CAPSL: variants seen among roughly 807,000 people sequenced by gnomAD.
CAPSL encodes calcyphosine like.
A neutral mutation model predicts 21.3 loss-of-function variants in CAPSL; 17 were observed. That is an observed-to-expected ratio of 0.80 (90% CI 0.55 to 1.20). The LOEUF (loss-of-function observed/expected upper bound fraction) is 1.20. Ranked by LOEUF, CAPSL falls within the 50% of genes most tolerant of loss-of-function variation. The probability of loss-of-function intolerance (pLI) is 0.00; values close to 1 mark genes in which losing one functional copy is unlikely to be tolerated. For missense variants in CAPSL, 289 were observed against 259.3 expected (o/e 1.11, Z -0.79); for synonymous variants, 102 against 89.3 (o/e 1.14, Z -0.80).
chr5:35,929,437 C>T (rs1439182113), intron 1 of CAPSL, among the ~76,000 whole-genome samples: 1 of 152,064 alleles, frequency 6.6e-6, no homozygotes, highest in Non-Finnish European at 1.5e-5. Flanking sequence ...GGAATACAGG[C>T]ACCTGCCACC....
rs1462259785 is a variant in CAPSL at position 35,910,405 on chromosome 5, A to G, written c.276T>C (p.Asn92=). The part of the protein sequence containing the change: ...ELFRRFDKDG[N]GTIDFNEFLL... ...GAAATTCATTGAAGTCTATTGTTCC[A>G]TTTCCATCTTTATCAAACCTCCGGA... The change falls in exon 3 of 5, where the codon AAT becomes AAC. Residue 92 remains asparagine, a synonymous_variant. Transcript: ENST00000651391. 6.2e-7 allele frequency: 1 copy of G among 1,613,942 alleles called. No individual in the cohort carries two copies. Among genetic ancestry groups the G allele is most frequent in the East Asian group, 2.2e-5 (1 of 44,868 alleles).
intron 1 of CAPSL, among the ~76,000 whole-genome samples, chr5:35,923,578 C>T (rs1481493485): frequency 6.6e-6 from 1 of 152,194 alleles, no homozygotes; most frequent in East Asian, 1.9e-4. Context: ...TAAAAAGGAA[C>T]ACAGTACTGA....
At chr5:35,909,072 A>G (rs1350593114) in intron 4 of CAPSL, among the ~76,000 whole-genome samples, 1 of 140,480 alleles carries the variant, frequency 7.1e-6, no homozygotes, top group Admixed American at 7.6e-5. Flanking sequence ...ATCTAAGAAC[A>G]GAACTGGCTC....
intron 1 of CAPSL, among the ~76,000 whole-genome samples, chr5:35,937,764 C>T (rs1738989764): frequency 6.7e-6 from 1 of 149,256 alleles, no homozygotes; most frequent in South Asian, 2.1e-4. Flanking sequence ...GCCTGAAATT[C>T]AAATCTCAAT....
intron 4 of CAPSL, 106 bp from the exon 5 acceptor site, chr5:35,904,752 G>C: frequency 6.7e-7 from 1 of 1,503,442 alleles, no homozygotes; most frequent in African/African-American, 1.4e-5. Flanking sequence ...GGATTTCTTT[G>C]TGTATGTGAT....
intron 4 of CAPSL, among the ~76,000 whole-genome samples, chr5:35,908,756 T>A (rs528022782): frequency 6.6e-6 from 1 of 152,290 alleles, no homozygotes; most frequent in South Asian, 2.1e-4. Flanking sequence ...CAGCCTGAAA[T>A]AGAGGGTATG....
chr5:35,909,012 C>CTGT (rs2149916492), intron 4 of CAPSL, among the ~76,000 whole-genome samples: 1 of 152,042 alleles, frequency 6.6e-6, no homozygotes, highest in Non-Finnish European at 1.5e-5. Context: ...CTGCTGCTGA[C>CTGT]TGTTACTCAA....
intron 1 of CAPSL, among the ~76,000 whole-genome samples, chr5:35,926,395 G>A (rs1738684951): frequency 6.6e-6 from 1 of 152,142 alleles, no homozygotes; most frequent in African/African-American, 2.4e-5. Context: ...GTGTAGCTAC[G>A]GTAGCAATGG....
intron 2 of CAPSL, among the ~76,000 whole-genome samples, chr5:35,911,769 C>G (rs1332760748): frequency 6.6e-6 from 1 of 152,140 alleles, no homozygotes; most frequent in African/African-American, 2.4e-5. Flanking sequence ...CAAATAGGAA[C>G]AGCTCCAGTC....
At chr5:35,937,606 A>C (rs1228254970) in intron 1 of CAPSL, among the ~76,000 whole-genome samples, 1 of 152,210 alleles carries the variant, frequency 6.6e-6, no homozygotes, top group African/African-American at 2.4e-5. Context: ...TAGACAGACT[A>C]TAAGGTCCTT....
chr5:35,914,432 A>G (rs2149920751), intron 2 of CAPSL, among the ~76,000 whole-genome samples: 1 of 152,344 alleles, frequency 6.6e-6, no homozygotes, highest in East Asian at 1.9e-4. Context: ...CACCACACCT[A>G]TTCCAAAATT....
At chr5:35,932,499 C>T (rs943060201) in intron 1 of CAPSL, among the ~76,000 whole-genome samples, 1 of 152,180 alleles carries the variant, frequency 6.6e-6, no homozygotes, top group Non-Finnish European at 1.5e-5. Context: ...AGAAGATTCA[C>T]CCAATTCCTT....
chr5:35,934,625 C>A (rs1010136965), intron 1 of CAPSL, among the ~76,000 whole-genome samples: 49 of 152,216 alleles, frequency 3.2e-4, no homozygotes, highest in African/African-American at 1.2e-3. Context: ...CACAGTTTTT[C>A]AGTGACCATA....
Position 35,937,680 on chromosome 5 carries a change from A to C in CAPSL, c.-1+861T>G, listed in dbSNP as rs1738987269. On this transcript the variant is annotated intron_variant, in intron 1 of 4. Transcript: ENST00000651391. ...TATCATCAGGGCTTAGCAGGAGGCT[A>C]TTTTATTGCTATTAGAATTTATCAT... Among the ~76,000 whole-genome samples, 5 of 152,346 alleles carry C rather than the reference A, an allele frequency of 3.3e-5. 1 individual carries two copies. In the South Asian group the frequency reaches 8.3e-4, roughly 25 times the overall value.
intron 4 of CAPSL, among the ~76,000 whole-genome samples, chr5:35,905,109 C>T (rs2361403): frequency 0.41 from 62,324 of 151,954 alleles, 13,227 homozygotes; most frequent in African/African-American, 0.46. Context: ...TCTAGTTAAA[C>T]GCTCCCGGGT....
chr5:35,914,122 A>T (rs895488335), intron 2 of CAPSL, among the ~76,000 whole-genome samples: 2 of 152,238 alleles, frequency 1.3e-5, no homozygotes, highest in African/African-American at 2.4e-5. Context: ...AGGCCATTAC[A>T]TAATGGTAAA....
At chr5:35,920,338 A>T (rs930428598) in intron 2 of CAPSL, among the ~76,000 whole-genome samples, 9 of 152,202 alleles carry the variant, frequency 5.9e-5, no homozygotes, top group African/African-American at 2.2e-4. Flanking sequence ...GGTCCCTGAG[A>T]TGTGTCCAAT....
At position 35,904,491 on chromosome 5, in the gene CAPSL, T is replaced by G; in HGVS notation, c.*54A>C. ...ACGATTCTGGTTTTTGAGCTGACATTTAGTCATTTGGAGCCACATGGCTGT... is the reference window on the plus strand; with the variant it reads ...ACGATTCTGGTTTTTGAGCTGACATGTAGTCATTTGGAGCCACATGGCTGT... On this transcript the variant is annotated 3_prime_UTR_variant, in exon 5 of 5. Coordinates refer to ENST00000651391, the MANE Select transcript of CAPSL (RefSeq NM_001042625.2). 7.9e-7 allele frequency: 1 copy of G among 1,259,648 alleles called. No homozygotes were observed. The highest frequency in any genetic ancestry group is 1.1e-6 in the Non-Finnish European group (1 of 871,456). The allele number at this position is 1,259,648 out of a possible 1,614,324, so 78.0% of individuals were successfully genotyped here.
At chr5:35,921,181 A>T in intron 1 of CAPSL, 61 bp from the exon 2 acceptor site, 10 of 1,571,334 alleles carry the variant, frequency 6.4e-6, no homozygotes, top group Non-Finnish European at 8.6e-6. Flanking sequence ...CTGGCTGGGC[A>T]GAGTGACAGA....
Sources: allele counts gnomAD v4.1 joint callset (sites outside exome capture counted in the v4.1 genomes callset), GRCh38; gene constraint gnomAD v4.1.1; transcripts MANE v1.5; gene names NCBI Gene and HGNC (gene_info 2026-07-23, HGNC 2026-07-21).